The following ARHGAP32 variants were observed in gnomAD, a reference collection of about 807,000 sequenced individuals.
The protein encoded by ARHGAP32 is rho GTPase-activating protein 32.
A neutral mutation model predicts 186.5 loss-of-function variants in ARHGAP32; 51 were observed. The ratio of observed to expected loss-of-function variants is 0.27; its 90% CI spans 0.22 to 0.35. ARHGAP32 has a LOEUF of 0.35. Ranked by LOEUF, ARHGAP32 falls within the 10% of genes least tolerant of loss-of-function variation. The pLI is 1.00. For synonymous variants in ARHGAP32, 950 were observed against 964.3 expected (o/e 0.99, Z 0.27); for missense variants, 2,186 against 2,623.5 (o/e 0.83, Z 3.64).
At chr11:129,137,528 T>C (rs964067223) in intron 2 of ARHGAP32, among the ~76,000 whole-genome samples, 3 of 151,962 alleles carry the variant, frequency 2.0e-5, no homozygotes, top group African/African-American at 7.2e-5. Context: ...AATATATTCC[T>C]AGTGGGATAT....
upstream of ARHGAP32, among the ~76,000 whole-genome samples, chr11:129,193,594 G>GTTATATAATATATA (rs1944326828): frequency 1.7e-5 from 1 of 57,864 alleles, no homozygotes; most frequent in Non-Finnish European, 3.0e-5. Flanking sequence ...TATAATATAT[G>GTTATATAATATATA]TTATATATAA....
intron 1 of ARHGAP32, among the ~76,000 whole-genome samples, chr11:129,189,084 A>G (rs906002731): frequency 1.3e-5 from 2 of 152,192 alleles, no homozygotes; most frequent in African/African-American, 2.4e-5. Context: ...CACATAATCT[A>G]TATGTCATTG....
At chr11:129,054,145 T>G (rs1344230661) in intron 10 of ARHGAP32, among the ~76,000 whole-genome samples, 2 of 152,092 alleles carry the variant, frequency 1.3e-5, no homozygotes, top group Admixed American at 1.3e-4. Flanking sequence ...GGGATAACTA[T>G]GAAAAACGAA....
At chr11:129,029,148 A>C (rs952532863) in intron 11 of ARHGAP32, among the ~76,000 whole-genome samples, 3 of 152,208 alleles carry the variant, frequency 2.0e-5, no homozygotes, top group African/African-American at 7.2e-5. Flanking sequence ...CTTTAACCTC[A>C]ATTCAGCCCA....
chr11:129,245,130 C>CT (rs1426538650), intron 1 of ARHGAP32, among the ~76,000 whole-genome samples: 2 of 147,798 alleles, frequency 1.4e-5, no homozygotes, highest in Non-Finnish European at 3.0e-5. Context: ...AATCATGCTG[C>CT]TATAAAGACA....
At chr11:129,056,506 C>G (rs535769511) in intron 10 of ARHGAP32, among the ~76,000 whole-genome samples, 3 of 152,206 alleles carry the variant, frequency 2.0e-5, no homozygotes, top group African/African-American at 7.2e-5. Flanking sequence ...TTTGGCCTCC[C>G]AAAGTGCTAG....
intron 15 of ARHGAP32, among the ~76,000 whole-genome samples, chr11:128,983,608 T>C (rs949982360): frequency 2.6e-5 from 4 of 151,594 alleles, no homozygotes; most frequent in African/African-American, 7.3e-5. Flanking sequence ...CAAACCTGCA[T>C]ATTGTGCACA....
intron 10 of ARHGAP32, among the ~76,000 whole-genome samples, chr11:129,041,480 T>G (rs1274364193): frequency 8.0e-6 from 1 of 125,684 alleles, no homozygotes; most frequent in African/African-American, 2.8e-5. Flanking sequence ...CTTCACTCTC[T>G]CCCAGGTTTC....
At chr11:129,203,383 A>G (rs1325322232) in intron 1 of ARHGAP32, among the ~76,000 whole-genome samples, 1 of 152,222 alleles carries the variant, frequency 6.6e-6, no homozygotes, top group African/African-American at 2.4e-5. Flanking sequence ...AACAAAAAAC[A>G]CCAGTAAAGT....
intron 5 of ARHGAP32, among the ~76,000 whole-genome samples, chr11:129,118,148 A>G (rs1358717498): frequency 6.6e-6 from 1 of 152,072 alleles, no homozygotes; most frequent in African/African-American, 2.4e-5. Flanking sequence ...ACTAAAAAGT[A>G]ATACCTAAAA....
chr11:129,163,052 AATTG>A (rs1231224064), intron 2 of ARHGAP32, among the ~76,000 whole-genome samples: 1 of 152,178 alleles, frequency 6.6e-6, no homozygotes, highest in African/African-American at 2.4e-5. Context: ...CTTTAATTGG[AATTG>A]ATTAACTGAC....
chr11:129,027,381 C>T (rs1033310399), intron 11 of ARHGAP32, among the ~76,000 whole-genome samples: 4 of 152,156 alleles, frequency 2.6e-5, no homozygotes, highest in African/African-American at 9.7e-5. Flanking sequence ...CTTCCACTGC[C>T]TACCCAACTA....
At position 129,009,502 on chromosome 11, in the gene ARHGAP32, C is replaced by T. The variant is rs140343672; in HGVS notation, c.1046-11034G>A. Among the ~76,000 whole-genome samples the T allele has an allele frequency of 2.6e-3, 393 of 152,254 alleles. 2 individuals carry two copies. Among genetic ancestry groups the T allele is most frequent in the South Asian group, 0.019 (91 of 4,818 alleles). ...ATGCTCTCCCTCCCCGTAACTATCT[C>T]GACAAGCTCCACTGTGTGTTGTTCC... On this transcript the variant is annotated intron_variant, in intron 11 of 22. Coordinates refer to ENST00000682385, the MANE Select transcript of ARHGAP32 (RefSeq NM_001378024.1).
intron 11 of ARHGAP32, among the ~76,000 whole-genome samples, chr11:129,032,782 A>G (rs1939169741): frequency 6.6e-6 from 1 of 152,250 alleles, no homozygotes; most frequent in African/African-American, 2.4e-5. Context: ...AAGAGACTTA[A>G]ATAGGCATTA....
intron 1 of ARHGAP32, among the ~76,000 whole-genome samples, chr11:129,276,996 A>G (rs1173001431): frequency 6.6e-6 from 1 of 152,226 alleles, no homozygotes; most frequent in Non-Finnish European, 1.5e-5. Context: ...AAAATTCTCA[A>G]GAATATTAGT....
rs189031843 is a variant in ARHGAP32 at position 129,054,959 on chromosome 11, T to C, written c.963+7321A>G. Reference sequence around the variant, plus strand: ...TAAATTATGGTCTGGGCTAGTGCAATACTTAGAATAGAACTTGGCAAAATG... The same window carrying C: ...TAAATTATGGTCTGGGCTAGTGCAACACTTAGAATAGAACTTGGCAAAATG... On this transcript the variant is annotated intron_variant, in intron 10 of 22. Coordinates refer to ENST00000682385, the MANE Select transcript of ARHGAP32 (RefSeq NM_001378024.1). Among the ~76,000 whole-genome samples the C allele has an allele frequency of 2.4e-4, 36 of 152,334 alleles. No homozygotes were observed. The East Asian group carries it at 5.4e-3, about 23-fold the overall frequency.
At chr11:129,214,027 GA>G (rs200590229) in intron 1 of ARHGAP32, among the ~76,000 whole-genome samples, 7 of 147,724 alleles carry the variant, frequency 4.7e-5, no homozygotes, top group African/African-American at 9.9e-5. Flanking sequence ...CTAACCATGA[GA>G]AAAAAAAAAT....
chr11:129,225,344 C>G (rs10894002), intron 1 of ARHGAP32, among the ~76,000 whole-genome samples: 30,317 of 151,870 alleles, frequency 0.2, 3,193 homozygotes, highest in Non-Finnish European at 0.23. Flanking sequence ...GAAGTCCGGA[C>G]AAGACTGACT....
chr11:128,978,037 T>C (rs958915419), intron 19 of ARHGAP32, among the ~76,000 whole-genome samples: 3 of 152,008 alleles, frequency 2.0e-5, no homozygotes, highest in Non-Finnish European at 1.5e-5. Context: ...TTTCAATAAC[T>C]ATGATTCTGC....
Sources: gnomAD v4.1 joint callset for allele counts (sites outside exome capture counted in the v4.1 genomes callset) on GRCh38, gnomAD v4.1.1 for gene constraint, MANE v1.5 for transcripts, NCBI Gene and HGNC (gene_info 2026-07-23, HGNC 2026-07-21) for gene names.